RAB38: variants seen among roughly 807,000 people sequenced by gnomAD.
The protein encoded by RAB38 is RAB38, member RAS oncogene family.
In RAB38, 15 loss-of-function variants were observed where a neutral mutation model predicts 18.4. That is an observed-to-expected ratio of 0.82 (90% confidence interval 0.55 to 1.26). The LOEUF (loss-of-function observed/expected upper bound fraction) is 1.26, where lower values mean the gene tolerates loss of function less well. Ranked by LOEUF, RAB38 falls within the 50% of genes most tolerant of loss-of-function variation. RAB38 has a pLI of 0.00. For synonymous variants in RAB38, 101 were observed against 104.4 expected (o/e 0.97, Z 0.20); for missense variants, 294 against 267.4 (o/e 1.10, Z -0.69).
At chr11:88,041,940 C>T in the RAB38 span, among the ~76,000 whole-genome samples, 1 of 152,046 alleles carries the variant, frequency 6.6e-6, no homozygotes, top group Non-Finnish European at 1.5e-5. Flanking sequence ...CTATGAGGTG[C>T]CAGTGGGTTT....
At chr11:87,810,318 A>G in the RAB38 span, among the ~76,000 whole-genome samples, 7 of 152,244 alleles carry the variant, frequency 4.6e-5, no homozygotes, top group Admixed American at 4.6e-4. Flanking sequence ...ACTCCTGGGC[A>G]TAAGTGATCT....
chr11:87,976,749 T>G, the RAB38 span, among the ~76,000 whole-genome samples: 2 of 118,352 alleles, frequency 1.7e-5, no homozygotes, highest in African/African-American at 6.7e-5. Flanking sequence ...TATTTATATA[T>G]TTATATATAT....
chr11:88,173,815 C>T (rs1213662589), intron 1 of RAB38: 36 of 985,290 alleles, frequency 3.7e-5, no homozygotes, highest in Non-Finnish European at 4.2e-5. Context: ...ACTCCAAATG[C>T]ATGAATCTGT....
At chr11:87,838,145 C>T in the RAB38 span, among the ~76,000 whole-genome samples, 35 of 151,086 alleles carry the variant, frequency 2.3e-4, no homozygotes, top group African/African-American at 6.4e-4. Flanking sequence ...GATGGAGTCT[C>T]GCTCTGTCTC....
chr11:88,125,244 C>T (rs928399792), intron 2 of RAB38, among the ~76,000 whole-genome samples: 11 of 152,112 alleles, frequency 7.2e-5, no homozygotes, highest in African/African-American at 2.7e-4. Context: ...AAAACTGGTG[C>T]CCAACCAATA....
chr11:88,026,659 T>C, the RAB38 span, among the ~76,000 whole-genome samples: 6 of 150,672 alleles, frequency 4.0e-5, no homozygotes, highest in South Asian at 4.2e-4. Context: ...ATTACAGACA[T>C]GAGCCACTGC....
intron 2 of RAB38, 126 bp downstream of exon 2, chr11:88,149,549 G>A (rs1272714698): frequency 1.8e-6 from 2 of 1,129,154 alleles, no homozygotes; most frequent in Non-Finnish European, 1.2e-6. Context: ...AAAGAGCTTA[G>A]AGCAATGTGA....
chr11:88,021,107 G>C, the RAB38 span, among the ~76,000 whole-genome samples: 2 of 151,842 alleles, frequency 1.3e-5, no homozygotes, highest in Non-Finnish European at 2.9e-5. Flanking sequence ...GATCAGAGCA[G>C]AAATAAATGA....
the RAB38 span, among the ~76,000 whole-genome samples, chr11:88,068,379 G>T: frequency 6.6e-6 from 1 of 151,910 alleles, no homozygotes; most frequent in African/African-American, 2.4e-5. Context: ...TTAGGTAATA[G>T]AAATAAAACA....
chr11:87,919,556 AT>A, the RAB38 span, among the ~76,000 whole-genome samples: 10 of 149,522 alleles, frequency 6.7e-5, no homozygotes, highest in South Asian at 4.3e-4. Flanking sequence ...TTGGCCTGTA[AT>A]TTTTTTTTTC....
At chr11:87,868,608 A>AGAGAGAGAGAGAGAGAGAAG in the RAB38 span, among the ~76,000 whole-genome samples, 1,270 of 102,836 alleles carry the variant, frequency 0.012, 22 homozygotes, top group East Asian at 0.026. Context: ...AGAGAGAGAG[A>AGAGAGAGAGAGAGAGAGAAG]GAGAGAGAGA....
chr11:87,902,678 C>T, the RAB38 span, among the ~76,000 whole-genome samples: 4 of 151,306 alleles, frequency 2.6e-5, no homozygotes, highest in African/African-American at 7.3e-5. Context: ...TATTTAGGTT[C>T]TCTTTAAATT....
chr11:88,020,434 G>T, the RAB38 span, among the ~76,000 whole-genome samples: 2 of 152,072 alleles, frequency 1.3e-5, no homozygotes, highest in East Asian at 3.8e-4. Context: ...TCCCAACACT[G>T]GAGCACCCAG....
At chr11:88,006,300 A>C in the RAB38 span, among the ~76,000 whole-genome samples, 1 of 151,628 alleles carries the variant, frequency 6.6e-6, no homozygotes, top group Non-Finnish European at 1.5e-5. Flanking sequence ...TGTGGTGAAA[A>C]GGGAATCCTT....
the RAB38 span, among the ~76,000 whole-genome samples, chr11:87,819,658 G>GGA: frequency 2.0e-5 from 3 of 146,956 alleles, no homozygotes; most frequent in South Asian, 2.2e-4. Context: ...AGGATCTCTT[G>GGA]GATATATATA....
chr11:87,900,916 C>G, the RAB38 span, among the ~76,000 whole-genome samples: 1 of 151,604 alleles, frequency 6.6e-6, no homozygotes, highest in African/African-American at 2.4e-5. Context: ...CATCTTTTCT[C>G]ATGCATGTTT....
At chr11:87,920,638 T>A in the RAB38 span, among the ~76,000 whole-genome samples, 327 of 152,198 alleles carry the variant, frequency 2.1e-3, 2 homozygotes, top group Middle Eastern at 3.4e-3. Context: ...TATTTGTGTA[T>A]GTCTATTAGG....
the RAB38 span, among the ~76,000 whole-genome samples, chr11:87,813,641 G>C: frequency 6.6e-6 from 1 of 152,032 alleles, no homozygotes; most frequent in East Asian, 1.9e-4. Context: ...ACCCCAGTTT[G>C]GGTCTTACCT....
At chr11:88,039,029 A>C in the RAB38 span, among the ~76,000 whole-genome samples, 2 of 152,214 alleles carry the variant, frequency 1.3e-5, no homozygotes, top group Non-Finnish European at 2.9e-5. Context: ...ATGAGGAATC[A>C]AAGAAGCAAG....
Sources: allele counts gnomAD v4.1 joint callset (sites outside exome capture counted in the v4.1 genomes callset), GRCh38; gene constraint gnomAD v4.1.1; transcripts MANE v1.5; gene names NCBI Gene and HGNC (gene_info 2026-07-23, HGNC 2026-07-21).